The following ANK2 variants were observed in gnomAD, a reference collection of about 807,000 sequenced individuals.
ANK2 encodes ankyrin-2.
A neutral mutation model predicts 360.5 loss-of-function variants in ANK2; 83 were observed. The observed-to-expected ratio is 0.23, with a 90% CI of 0.19 to 0.28. ANK2 has a LOEUF of 0.28. ANK2 is among the 10% of genes least tolerant of loss of function. The pLI is 1.00. For missense variants in ANK2, 4,201 were observed against 4,795.7 expected, an observed-to-expected ratio of 0.88 and a Z score of 3.66; for synonymous variants, 1,740 against 1,759.5, an observed-to-expected ratio of 0.99 and a Z score of 0.28.
chr4:113,280,192 A>G (rs2061746826), intron 17 of ANK2, among the ~76,000 whole-genome samples: 2 of 152,178 alleles, frequency 1.3e-5, no homozygotes. Flanking sequence ...GATTATAGGT[A>G]CTCAATGGGA....
chr4:113,333,359 A>T (rs926649271), intron 29 of ANK2, 151 bp downstream of exon 29: 2 of 1,069,338 alleles, frequency 1.9e-6, no homozygotes, highest in African/African-American at 1.6e-5. Context: ...TACAGCAGGT[A>T]ATCTGCTTTG....
intron 1 of ANK2, among the ~76,000 whole-genome samples, chr4:113,118,222 C>A (rs2095028455): frequency 6.6e-6 from 1 of 151,894 alleles, no homozygotes; most frequent in Non-Finnish European, 1.5e-5. Flanking sequence ...AAAGAAAGAC[C>A]TCTGTAAATG....
At chr4:112,809,282 C>T in the ANK2 span, among the ~76,000 whole-genome samples, 1 of 150,892 alleles carries the variant, frequency 6.6e-6, no homozygotes, top group African/African-American at 2.4e-5. Context: ...TAAATAAGGG[C>T]CGGGCGCGGT....
chr4:113,058,281 G>A (rs890276522), intron 1 of ANK2, among the ~76,000 whole-genome samples: 2 of 152,072 alleles, frequency 1.3e-5, no homozygotes, highest in African/African-American at 4.8e-5. Flanking sequence ...TACTAAAAAT[G>A]GGAAGAAATT....
chr4:113,222,883 A>T (rs2099166947), intron 4 of ANK2, among the ~76,000 whole-genome samples: 1 of 152,212 alleles, frequency 6.6e-6, no homozygotes, highest in Non-Finnish European at 1.5e-5. Context: ...TGTCAACTTC[A>T]GATTATCTGA....
chr4:113,060,446 T>C (rs1274728689), intron 1 of ANK2, among the ~76,000 whole-genome samples: 1 of 152,086 alleles, frequency 6.6e-6, no homozygotes, highest in Admixed American at 6.6e-5. Context: ...GATGTCCAGA[T>C]GGGTTTAAAA....
the ANK2 span, chr4:112,738,589 T>C: frequency 2.1e-6 from 1 of 479,002 alleles, no homozygotes; most frequent in East Asian, 5.0e-5. Flanking sequence ...TTCAGGAGAG[T>C]TCTGAATTGT....
chr4:112,938,805 A>G (rs940268185), intron 2 of ANK2, among the ~76,000 whole-genome samples: 11 of 152,220 alleles, frequency 7.2e-5, no homozygotes, highest in Admixed American at 7.2e-4. Flanking sequence ...TAGAGTCTCT[A>G]GTACCCTTTT....
intron 2 of ANK2, among the ~76,000 whole-genome samples, chr4:112,998,744 A>C (rs1421710772): frequency 6.6e-6 from 1 of 152,176 alleles, no homozygotes; most frequent in African/African-American, 2.4e-5. Context: ...TCCATATGTC[A>C]TTGTGAATTT....
At chr4:112,950,914 C>G (rs1581756116) in intron 2 of ANK2, among the ~76,000 whole-genome samples, 1 of 150,596 alleles carries the variant, frequency 6.6e-6, no homozygotes, top group African/African-American at 2.4e-5. Flanking sequence ...AACCCCGTCT[C>G]TACTAAAAAT....
At chr4:113,123,812 A>C (rs1191059379) in intron 1 of ANK2, among the ~76,000 whole-genome samples, 1 of 151,958 alleles carries the variant, frequency 6.6e-6, no homozygotes, top group Non-Finnish European at 1.5e-5. Flanking sequence ...ACCAACCCCT[A>C]CTCTACTCCA....
At chr4:113,185,465 T>C (rs2098502146) in intron 2 of ANK2, among the ~76,000 whole-genome samples, 1 of 152,252 alleles carries the variant, frequency 6.6e-6, no homozygotes, top group Non-Finnish European at 1.5e-5. Context: ...TAATGACCAG[T>C]GATAATAAGC....
chr4:113,047,203 G>C (rs563874562), upstream of ANK2, among the ~76,000 whole-genome samples: 55 of 152,234 alleles, frequency 3.6e-4, 2 homozygotes, highest in South Asian at 0.011. Context: ...TAATTGCTTG[G>C]CTTGGTCCAT....
At chr4:113,274,676 T>C (rs2153689487) in intron 15 of ANK2, 27 bp downstream of exon 15, 3 of 1,611,502 alleles carry the variant, frequency 1.9e-6, no homozygotes, top group Non-Finnish European at 2.5e-6. Flanking sequence ...CATGAGAACA[T>C]GGACCAAGAG....
At chr4:113,066,096 C>G (rs1295000397) in intron 1 of ANK2, among the ~76,000 whole-genome samples, 1 of 152,164 alleles carries the variant, frequency 6.6e-6, no homozygotes, top group African/African-American at 2.4e-5. Context: ...ACCATTAACA[C>G]ATATGTCCTC....
At chr4:113,059,212 C>A (rs2071804025) in intron 1 of ANK2, among the ~76,000 whole-genome samples, 1 of 152,172 alleles carries the variant, frequency 6.6e-6, no homozygotes, top group South Asian at 2.1e-4. Flanking sequence ...CAGATTACAG[C>A]AGTCTGCTTT....
chr4:113,330,534 A>T (rs2092132780), intron 27 of ANK2, 64 bp downstream of exon 27: 3 of 1,527,836 alleles, frequency 2.0e-6, no homozygotes. Flanking sequence ...ACATGAAATC[A>T]CTAGGATGGA....
chr4:113,164,879 A>C (rs1179650499), intron 1 of ANK2, among the ~76,000 whole-genome samples: 1 of 152,240 alleles, frequency 6.6e-6, no homozygotes, highest in Non-Finnish European at 1.5e-5. Context: ...GAATGAAAAG[A>C]GTTTTGTATA....
chr4:113,043,641 C>A (rs563930626), intron 2 of ANK2, among the ~76,000 whole-genome samples: 3 of 152,134 alleles, frequency 2.0e-5, no homozygotes, highest in African/African-American at 4.8e-5. Context: ...TATTCCATAT[C>A]TTTTCCCCAC....
Sources: allele counts gnomAD v4.1 joint callset (sites outside exome capture counted in the v4.1 genomes callset), GRCh38; gene constraint gnomAD v4.1.1; transcripts MANE v1.5; gene names NCBI Gene and HGNC (gene_info 2026-07-23, HGNC 2026-07-21).